The following ROBO1 variants were observed in gnomAD, a reference collection of about 807,000 sequenced individuals.
The protein encoded by ROBO1 is roundabout guidance receptor 1.
ROBO1 carries 149 observed loss-of-function variants against 195.9 expected under a neutral mutation model. The observed-to-expected ratio is 0.76, with a 90% CI of 0.67 to 0.87. The LOEUF (loss-of-function observed/expected upper bound fraction) is 0.87, where lower values mean the gene tolerates loss of function less well. ROBO1 is among the 40% of genes least tolerant of loss of function. The probability of loss-of-function intolerance (pLI) is 0.00; values close to 1 mark genes in which losing one functional copy is unlikely to be tolerated. For missense variants in ROBO1, 1,933 were observed against 2,068.3 expected, an observed-to-expected ratio of 0.93 and a Z score of 1.27; for synonymous variants, 816 against 733.2, an observed-to-expected ratio of 1.11 and a Z score of -1.82.
At chr3:79,367,386 C>A (rs2036018444) in intron 2 of ROBO1, among the ~76,000 whole-genome samples, 1 of 152,128 alleles carries the variant, frequency 6.6e-6, no homozygotes. Flanking sequence ...AGTTAGAATT[C>A]CCTGAAGCTT....
chr3:78,810,592 CTTTA>C (rs2084706528), intron 4 of ROBO1, among the ~76,000 whole-genome samples: 1 of 151,884 alleles, frequency 6.6e-6, no homozygotes, highest in African/African-American at 2.4e-5. Context: ...TTGACAAAAC[CTTTA>C]TTTATCTGAC....
intron 3 of ROBO1, among the ~76,000 whole-genome samples, chr3:79,010,190 A>G (rs1207204059): frequency 6.6e-6 from 1 of 152,160 alleles, no homozygotes; most frequent in Non-Finnish European, 1.5e-5. Context: ...ATATGTTCTA[A>G]ACATATTTTA....
At chr3:79,282,173 T>C (rs546196828) in intron 2 of ROBO1, among the ~76,000 whole-genome samples, 1 of 152,242 alleles carries the variant, frequency 6.6e-6, no homozygotes, top group African/African-American at 2.4e-5. Context: ...TAGACCAACA[T>C]AGTTATTTAG....
At chr3:79,547,617 G>A (rs1391923994) in intron 2 of ROBO1, among the ~76,000 whole-genome samples, 3 of 152,148 alleles carry the variant, frequency 2.0e-5, no homozygotes, top group Non-Finnish European at 4.4e-5. Context: ...TGATATTTAG[G>A]TGTGGGAATG....
At chr3:79,085,113 G>GT (rs1190295879) in intron 3 of ROBO1, among the ~76,000 whole-genome samples, 2 of 152,060 alleles carry the variant, frequency 1.3e-5, no homozygotes, top group Non-Finnish European at 2.9e-5. Context: ...CCTTTGGAGA[G>GT]TTTTTTAATA....
chr3:78,815,161 CT>C (rs1274074619), intron 4 of ROBO1, among the ~76,000 whole-genome samples: 6 of 151,982 alleles, frequency 3.9e-5, no homozygotes, highest in Non-Finnish European at 7.4e-5. Context: ...GAAATTCAGC[CT>C]ACTAAATATA....
chr3:78,871,062 T>A (rs2035516060), intron 4 of ROBO1, among the ~76,000 whole-genome samples: 1 of 152,164 alleles, frequency 6.6e-6, no homozygotes, highest in South Asian at 2.1e-4. Context: ...TAGGGTGCTA[T>A]CAAAAATACG....
In ROBO1 at chr3:79,274,954, C is replaced by T. The variant is rs2030902719; in HGVS notation, c.89-149415G>A. Among the ~76,000 whole-genome samples the T allele has an allele frequency of 2.0e-5, 3 of 152,054 alleles. No individual in the cohort carries two copies. In the South Asian group the frequency reaches 6.2e-4, roughly 32 times the overall value. ...ACTATGAAGAAATCTAAAGCATAAA[C>T]AGACTGATAACAAGTACTGAGATTG... On this transcript the variant is annotated intron_variant, in intron 2 of 30. Transcript: ENST00000464233.
chr3:79,703,753 G>A (rs2107176548), intron 1 of ROBO1, among the ~76,000 whole-genome samples: 1 of 152,046 alleles, frequency 6.6e-6, no homozygotes, highest in East Asian at 1.9e-4. Flanking sequence ...GGGAAACTTA[G>A]AAGAATGAAA....
intron 2 of ROBO1, among the ~76,000 whole-genome samples, chr3:79,294,308 A>G (rs1005439691): frequency 6.6e-6 from 1 of 152,076 alleles, no homozygotes; most frequent in Non-Finnish European, 1.5e-5. Flanking sequence ...ATCTACAACC[A>G]TCTGATCTTT....
chr3:79,726,957 C>G (rs1322729399), intron 1 of ROBO1, among the ~76,000 whole-genome samples: 1 of 152,144 alleles, frequency 6.6e-6, no homozygotes, highest in Non-Finnish European at 1.5e-5. Context: ...TTAGGTTTGA[C>G]TAATTGAATT....
At position 78,649,058 on chromosome 3, in the gene ROBO1, G is replaced by T. The variant is rs193023872; in HGVS notation, c.2813-1403C>A. ...TCCTATTGTGTTTTTTTTCAGTCAG[G>T]TCTTTTCAGAGAGTCAATGTAATTT... On this transcript the variant is annotated intron_variant, in intron 19 of 30. Coordinates refer to ENST00000464233, the MANE Select transcript of ROBO1 (RefSeq NM_002941.4). Among the ~76,000 whole-genome samples the T allele has an allele frequency of 5.3e-5, 8 of 150,784 alleles. No homozygotes were observed. The East Asian group carries it at 1.6e-3, about 30-fold the overall frequency.
At chr3:79,242,224 C>G (rs1410435515) in intron 2 of ROBO1, among the ~76,000 whole-genome samples, 1 of 151,180 alleles carries the variant, frequency 6.6e-6, no homozygotes, top group Non-Finnish European at 1.5e-5. Flanking sequence ...TCTCTGACCC[C>G]ATAAAAGCAC....
intron 2 of ROBO1, among the ~76,000 whole-genome samples, chr3:79,256,948 C>T (rs963377358): frequency 2.0e-5 from 3 of 152,022 alleles, no homozygotes; most frequent in East Asian, 3.9e-4. Flanking sequence ...TAGTTTGGTA[C>T]GTGGTATTCA....
chr3:78,666,208 C>G (rs1707726847), intron 14 of ROBO1, among the ~76,000 whole-genome samples: 1 of 152,086 alleles, frequency 6.6e-6, no homozygotes, highest in Admixed American at 6.6e-5. Context: ...AACTGTGAGT[C>G]AATTAAACCT....
intron 4 of ROBO1, among the ~76,000 whole-genome samples, chr3:78,901,732 A>G (rs331199): frequency 0.45 from 68,661 of 151,978 alleles, 17,851 homozygotes; most frequent in African/African-American, 0.73. Flanking sequence ...TTTAGAAGAC[A>G]CATTAGCTCT....
At position 79,656,597 on chromosome 3, in the gene ROBO1, G is replaced by C. The variant is rs1484128940; in HGVS notation, c.-50-66636C>G. On this transcript the variant is annotated intron_variant, in intron 1 of 30. Coordinates refer to ENST00000464233, the MANE Select transcript of ROBO1 (RefSeq NM_002941.4). ...CTTTATTGCCTTTGTTGAAAAGAAA[G>C]AATAAATATGGCCTGGCTGGGAGGG... is the stretch of plus-strand genomic sequence containing the variant. Among the ~76,000 whole-genome samples, 2 of 151,854 alleles carry C rather than the reference G, an allele frequency of 1.3e-5. 1 individual carries two copies. The highest frequency in any genetic ancestry group is 3.9e-4 in the East Asian group (2 of 5,156).
At chr3:79,143,311 A>C (rs2080568912) in intron 2 of ROBO1, among the ~76,000 whole-genome samples, 1 of 152,080 alleles carries the variant, frequency 6.6e-6, no homozygotes, top group Non-Finnish European at 1.5e-5. Flanking sequence ...CTGCTTGCTT[A>C]CCTATGATTC....
At chr3:78,836,305 G>C (rs1008737813) in intron 4 of ROBO1, among the ~76,000 whole-genome samples, 3 of 151,998 alleles carry the variant, frequency 2.0e-5, no homozygotes, top group Admixed American at 2.0e-4. Flanking sequence ...GAGGTCAGGA[G>C]ATAGAGACCA....
Sources: allele counts gnomAD v4.1 joint callset (sites outside exome capture counted in the v4.1 genomes callset), GRCh38; gene constraint gnomAD v4.1.1; transcripts MANE v1.5; gene names NCBI Gene and HGNC (gene_info 2026-07-23, HGNC 2026-07-21).